GRID2: variants seen among roughly 807,000 people sequenced by gnomAD.
GRID2 encodes glutamate receptor ionotropic, delta-2.
Under a neutral mutation model 114.8 loss-of-function variants are expected in GRID2, and 33 were observed. The observed-to-expected ratio is 0.29, with a 90% CI of 0.22 to 0.38. The LOEUF is 0.38. Among genes scored for constraint, GRID2 ranks in the 10% least tolerant of loss-of-function variants. The pLI is 1.00. For synonymous variants in GRID2, 505 were observed against 449.9 expected, an observed-to-expected ratio of 1.12 and a Z score of -1.55; for missense variants, 1,184 against 1,257.7, an observed-to-expected ratio of 0.94 and a Z score of 0.89.
chr4:93,054,752 G>A (rs188856799), intron 2 of GRID2, among the ~76,000 whole-genome samples: 21 of 151,552 alleles, frequency 1.4e-4, no homozygotes, highest in African/African-American at 3.6e-4. Flanking sequence ...TTTTGAATAT[G>A]GAAATATAAT....
At chr4:92,414,641 G>A (rs1381889016) in intron 1 of GRID2, among the ~76,000 whole-genome samples, 1 of 152,128 alleles carries the variant, frequency 6.6e-6, no homozygotes, top group Non-Finnish European at 1.5e-5. Context: ...GTTGTGGACA[G>A]TGAGCCTAGA....
At chr4:92,819,657 A>G (rs1352367102) in intron 2 of GRID2, among the ~76,000 whole-genome samples, 2 of 152,136 alleles carry the variant, frequency 1.3e-5, no homozygotes, top group African/African-American at 4.8e-5. Flanking sequence ...TGATAATAGG[A>G]CTATGTTGTG....
chr4:92,442,234 C>T (rs1038932668), intron 1 of GRID2, among the ~76,000 whole-genome samples: 4 of 151,992 alleles, frequency 2.6e-5, no homozygotes, highest in Middle Eastern at 3.4e-3. Flanking sequence ...AGTTTTCAGC[C>T]GCTAAGCCGA....
chr4:93,253,887 G>T (rs1469765836), intron 8 of GRID2, among the ~76,000 whole-genome samples: 1 of 152,072 alleles, frequency 6.6e-6, no homozygotes, highest in Non-Finnish European at 1.5e-5. Context: ...TTCCCCGAGT[G>T]TTACTATTTC....
intron 8 of GRID2, among the ~76,000 whole-genome samples, chr4:93,276,850 A>C (rs1752108296): frequency 6.6e-6 from 1 of 151,912 alleles, no homozygotes; most frequent in African/African-American, 2.4e-5. Context: ...GGCTAGTAAA[A>C]CTTTTACTCC....
intron 14 of GRID2, among the ~76,000 whole-genome samples, chr4:93,734,988 A>G (rs970046494): frequency 3.0e-4 from 45 of 152,148 alleles, no homozygotes; most frequent in African/African-American, 1.1e-3. Flanking sequence ...TGCAATATGC[A>G]TTGTGTAAAT....
intron 1 of GRID2, among the ~76,000 whole-genome samples, chr4:92,488,336 A>T (rs1722992622): frequency 6.6e-6 from 1 of 152,166 alleles, no homozygotes; most frequent in South Asian, 2.1e-4. Context: ...CAAACAAATA[A>T]ATCAACTTCC....
At chr4:92,397,342 A>ATGTG (rs58085283) in intron 1 of GRID2, among the ~76,000 whole-genome samples, 1,499 of 142,728 alleles carry the variant, frequency 0.011, 15 homozygotes, top group African/African-American at 0.026. Context: ...GTGTGTTTGT[A>ATGTG]TGTGTGTGTG....
chr4:92,488,435 G>A (rs1034464172), intron 1 of GRID2, among the ~76,000 whole-genome samples: 2 of 152,112 alleles, frequency 1.3e-5, no homozygotes, highest in Non-Finnish European at 2.9e-5. Context: ...TCCACTGGAT[G>A]CTTTTTAGAA....
intron 1 of GRID2, among the ~76,000 whole-genome samples, chr4:92,403,038 G>C (rs1383100201): frequency 1.3e-5 from 2 of 152,100 alleles, no homozygotes; most frequent in Admixed American, 1.3e-4. Context: ...TATGAAGAAG[G>C]CTTCTATCTT....
At chr4:93,234,641 G>A (rs558921752) in intron 7 of GRID2, among the ~76,000 whole-genome samples, 116 of 124,666 alleles carry the variant, frequency 9.3e-4, no homozygotes, top group Non-Finnish European at 1.2e-3. Flanking sequence ...TGTATTTGTC[G>A]TCCTCTTTTT....
Position 93,608,369 on chromosome 4 carries a change from G to C in GRID2, c.2194-17900G>C, listed in dbSNP as rs183716142. 8.1e-3 allele frequency among the ~76,000 whole-genome samples: 1,051 copies of C among 130,254 alleles called. 14 individuals carry two copies. Among genetic ancestry groups the C allele is most frequent in the Middle Eastern group, 0.024 (5 of 212 alleles). The allele number at this position is 130,254 out of a possible 152,430, so 85.5% of individuals were successfully genotyped here. ...GTACATGTGCACATTGTGCAGGTTA[G>C]TTACATAGGTATACATGTGCCATGC... On this transcript the variant is annotated intron_variant, in intron 13 of 15. Transcript: ENST00000282020.
At position 93,244,541 on chromosome 4, in the gene GRID2, TA is replaced by T. The variant is rs1225880611; in HGVS notation, c.1245+6053del. ...TTAATTAATAGATTATATAATCTAT[TA>T]ATTAATAGATTATATAATCTATTAT... On this transcript the variant is annotated intron_variant, in intron 8 of 15. Transcript: ENST00000282020. 6.9e-5 allele frequency among the ~76,000 whole-genome samples: 3 copies of T among 43,606 alleles called. 1 individual carries two copies. Among genetic ancestry groups the T allele is most frequent in the Non-Finnish European group, 1.3e-4 (3 of 22,420 alleles). The allele number at this position is 43,606 out of a possible 152,430, so 28.6% of individuals were successfully genotyped here.
At chr4:93,515,506 GT>G in intron 13 of GRID2, 95 bp downstream of exon 13, 2 of 827,134 alleles carry the variant, frequency 2.4e-6, no homozygotes, top group Non-Finnish European at 3.9e-6. Context: ...TTTGTTTTTT[GT>G]TTTTTATCTT....
chr4:93,388,844 G>T (rs1764577528), intron 8 of GRID2, among the ~76,000 whole-genome samples: 1 of 152,174 alleles, frequency 6.6e-6, no homozygotes, highest in South Asian at 2.1e-4. Flanking sequence ...GATCTGAGAG[G>T]TGGTGAGACT....
intron 8 of GRID2, among the ~76,000 whole-genome samples, chr4:93,355,514 G>A (rs1009994076): frequency 2.0e-5 from 3 of 152,076 alleles, no homozygotes; most frequent in Non-Finnish European, 4.4e-5. Flanking sequence ...CAAGAGGGAG[G>A]AAGTGGAAGA....
intron 13 of GRID2, among the ~76,000 whole-genome samples, chr4:93,556,074 A>G (rs1185009981): frequency 6.6e-6 from 1 of 152,214 alleles, no homozygotes; most frequent in Admixed American, 6.5e-5. Context: ...ATCAACAAAA[A>G]GGATGTCCAC....
chr4:93,048,784 C>A (rs1726414220), intron 2 of GRID2, among the ~76,000 whole-genome samples: 1 of 152,000 alleles, frequency 6.6e-6, no homozygotes, highest in Non-Finnish European at 1.5e-5. Context: ...AAGGGAAAGA[C>A]AGTAGTTGTA....
At chr4:92,861,612 G>T (rs1212004472) in intron 2 of GRID2, among the ~76,000 whole-genome samples, 1 of 151,922 alleles carries the variant, frequency 6.6e-6, no homozygotes, top group Non-Finnish European at 1.5e-5. Flanking sequence ...TAAGCGATAG[G>T]CATGGTAATG....
Sources: allele counts gnomAD v4.1 joint callset (sites outside exome capture counted in the v4.1 genomes callset), GRCh38; gene constraint gnomAD v4.1.1; transcripts MANE v1.5; gene names NCBI Gene and HGNC (gene_info 2026-07-23, HGNC 2026-07-21).